RGS7: variants seen among roughly 807,000 people sequenced by gnomAD.
RGS7 encodes the protein regulator of G-protein signaling 7.
RGS7 carries 27 observed loss-of-function variants against 81.1 expected under a neutral mutation model. That is an observed-to-expected ratio of 0.33 (90% CI 0.25 to 0.46). The LOEUF (loss-of-function observed/expected upper bound fraction) is 0.46, where lower values mean the gene tolerates loss of function less well. Among genes scored for constraint, RGS7 ranks in the 20% least tolerant of loss-of-function variants. RGS7 has a pLI of 1.00. For missense variants in RGS7, 396 were observed against 607.4 expected (o/e 0.65, Z 3.66); for synonymous variants, 208 against 207.7 (o/e 1.00, Z -0.01).
intron 2 of RGS7, among the ~76,000 whole-genome samples, chr1:241,134,633 A>C (rs1332870792): frequency 6.6e-6 from 1 of 152,198 alleles, no homozygotes; most frequent in African/African-American, 2.4e-5. Flanking sequence ...TGTTTATAAA[A>C]GGCCCACGAG....
intron 3 of RGS7, among the ~76,000 whole-genome samples, chr1:240,995,458 A>C (rs1687129580): frequency 6.6e-6 from 1 of 152,082 alleles, no homozygotes; most frequent in African/African-American, 2.4e-5. Flanking sequence ...ATGAACCTGG[A>C]GATTTTGTTT....
At chr1:241,028,067 C>A (rs2059882294) in intron 3 of RGS7, among the ~76,000 whole-genome samples, 1 of 152,170 alleles carries the variant, frequency 6.6e-6, no homozygotes, top group African/African-American at 2.4e-5. Context: ...GGGCATCAGC[C>A]ATGTTGAGTG....
rs1311281821 is a variant in RGS7 at position 241,163,678 on chromosome 1, C to A, written c.79-64916G>T. Among the ~76,000 whole-genome samples the A allele has an allele frequency of 6.6e-6, 1 of 152,162 alleles. No homozygotes were observed. Among genetic ancestry groups the A allele is most frequent in the African/African-American group, 2.4e-5 (1 of 41,440 alleles). The stretch of plus-strand genomic sequence containing the variant: ...AATCACAACCTGTTTTGCCACAATC[C>A]AAGCCCCCATTCTTTCTGCAACCTC... On this transcript the variant is annotated intron_variant, in intron 2 of 18. Coordinates refer to ENST00000440928, the MANE Select transcript of RGS7 (RefSeq NM_001364886.1). This position sits in a 1 kb window ranked among gnomAD's most constrained non-coding sequence, Gnocchi z 4.6.
At chr1:240,978,460 A>G (rs1011102988) in intron 4 of RGS7, among the ~76,000 whole-genome samples, 2 of 152,218 alleles carry the variant, frequency 1.3e-5, no homozygotes, top group Non-Finnish European at 2.9e-5. Flanking sequence ...GAAAAAAATA[A>G]GAAAATGATG....
chr1:241,349,792 G>A (rs1001395932), intron 2 of RGS7, among the ~76,000 whole-genome samples: 13 of 152,142 alleles, frequency 8.5e-5, no homozygotes, highest in Non-Finnish European at 1.2e-4. Flanking sequence ...TGTGTTGCTC[G>A]TTTTCCACAA....
intron 3 of RGS7, among the ~76,000 whole-genome samples, chr1:241,005,540 AC>A (rs113358871): frequency 1.3e-5 from 2 of 151,694 alleles, no homozygotes; most frequent in African/African-American, 4.9e-5. Context: ...CTTTTTATTT[AC>A]TTTTTATTTT....
chr1:241,355,589 C>A, intron 2 of RGS7, 110 bp downstream of exon 2: 2 of 921,266 alleles, frequency 2.2e-6, no homozygotes, highest in South Asian at 2.6e-5. Flanking sequence ...CACTGATGAT[C>A]TGGGAAATCC....
At position 240,983,129 on chromosome 1, in the gene RGS7, C is replaced by T; in HGVS notation, c.176G>A (p.Gly59Asp). 6.7e-7 allele frequency: 1 copy of T among 1,496,604 alleles called. No individual in the cohort carries two copies. The highest frequency in any genetic ancestry group is 9.2e-7 in the Non-Finnish European group (1 of 1,087,418). The allele number at this position is 1,496,604 out of a possible 1,614,324, so 92.7% of individuals were successfully genotyped here. A position where few individuals can be genotyped will look rare whatever the true frequency, so the allele number is the denominator to read the frequency against. The change falls in exon 4 of 19, where the codon GGT becomes GAT. Residue 59 changes from glycine to aspartate, a missense_variant and splice_region_variant. Physicochemically the swap from Gly to Asp is moderately conservative, Grantham distance 94. Transcript: ENST00000440928. ...TATCAACCATTGAACAATGTCTGAACCTAGAAAAAGAAAAAAGAAAAACAC... is the reference window on the plus strand; with the variant it reads ...TATCAACCATTGAACAATGTCTGAATCTAGAAAAAGAAAAAAGAAAAACAC... Reference protein sequence around the residue: ...FLSKIPSVFSGSDIVQWLIKN... With the variant: ...FLSKIPSVFSDSDIVQWLIKN...
chr1:240,969,019 T>C (rs960299818), intron 4 of RGS7, among the ~76,000 whole-genome samples: 1 of 152,206 alleles, frequency 6.6e-6, no homozygotes, highest in African/African-American at 2.4e-5. Context: ...CTTACACAAC[T>C]ATCTATGGCC....
chr1:241,324,865 T>C (rs1019458749), intron 2 of RGS7, among the ~76,000 whole-genome samples: 2 of 152,242 alleles, frequency 1.3e-5, no homozygotes, highest in African/African-American at 2.4e-5. Context: ...CTTATCTTTA[T>C]ACTCTGACCT....
chr1:241,295,212 G>T (rs1438827064), intron 2 of RGS7, among the ~76,000 whole-genome samples: 1 of 152,094 alleles, frequency 6.6e-6, no homozygotes, highest in Non-Finnish European at 1.5e-5. Flanking sequence ...ACTTTGGGAG[G>T]CCAAGGCGGG....
chr1:241,089,063 C>CTCTCTCTCTCTATATA (rs1374552672), intron 3 of RGS7, among the ~76,000 whole-genome samples: 2 of 23,686 alleles, frequency 8.4e-5, no homozygotes, highest in Admixed American at 4.9e-4. Context: ...CTCTCTCTCT[C>CTCTCTCTCTCTATATA]TATATATATA....
At position 241,108,679 on chromosome 1, in the gene RGS7, G is replaced by T. The variant is rs547075189; in HGVS notation, c.79-9917C>A. Among the ~76,000 whole-genome samples the T allele has an allele frequency of 2.6e-5, 4 of 152,248 alleles. No homozygotes were observed. The East Asian group carries it at 7.7e-4, about 29-fold the overall frequency. On this transcript the variant is annotated intron_variant, in intron 2 of 18. Coordinates refer to ENST00000440928, the MANE Select transcript of RGS7 (RefSeq NM_001364886.1). ...CTGAACTATTTGGGAAAGACTTCAT[G>T]GGAAAAGTAAGATTAAGCTGATCCT...
In RGS7 at chr1:241,035,879, C is replaced by T. The variant is rs527474285; in HGVS notation, c.176-52750G>A. Among the ~76,000 whole-genome samples the T allele has an allele frequency of 5.9e-5, 9 of 152,308 alleles. No individual in the cohort carries two copies. In the East Asian group the frequency reaches 1.7e-3, roughly 29 times the overall value. ...AATGCTATTTTCTCTGGATATGCCC[C>T]ACTTCGTTGAATTATCTTCCCTTCA... is the stretch of plus-strand genomic sequence containing the variant. On this transcript the variant is annotated intron_variant, in intron 3 of 18. Coordinates refer to ENST00000440928, the MANE Select transcript of RGS7 (RefSeq NM_001364886.1).
At chr1:241,143,618 G>A (rs1445709711) in intron 2 of RGS7, among the ~76,000 whole-genome samples, 1 of 152,106 alleles carries the variant, frequency 6.6e-6, no homozygotes, top group African/African-American at 2.4e-5. Flanking sequence ...ACAACATGTG[G>A]GAATTCAAGA....
intron 2 of RGS7, among the ~76,000 whole-genome samples, chr1:241,103,730 T>C (rs1252577196): frequency 6.6e-6 from 1 of 151,772 alleles, no homozygotes; most frequent in African/African-American, 2.4e-5. Flanking sequence ...GAAAATGAAC[T>C]GGGCATGGTG....
At chr1:240,944,997 C>T (rs1229645029) in intron 4 of RGS7, among the ~76,000 whole-genome samples, 1 of 150,750 alleles carries the variant, frequency 6.6e-6, no homozygotes. Flanking sequence ...AGGCGTGTGC[C>T]ACGCATCCAG....
At chr1:240,858,666 T>A (rs1661592646) in intron 9 of RGS7, among the ~76,000 whole-genome samples, 1 of 152,232 alleles carries the variant, frequency 6.6e-6, no homozygotes, top group African/African-American at 2.4e-5. Context: ...GTCTGTGGCT[T>A]GAATTCTCAT....
At chr1:241,220,414 A>C (rs2147981900) in intron 2 of RGS7, among the ~76,000 whole-genome samples, 1 of 152,310 alleles carries the variant, frequency 6.6e-6, no homozygotes, top group South Asian at 2.1e-4. Context: ...CCAGGCACAG[A>C]ATGTTCTTAA....
Sources: gnomAD v4.1 joint callset for allele counts (sites outside exome capture counted in the v4.1 genomes callset) on GRCh38, gnomAD v4.1.1 for gene constraint, Gnocchi (gnomAD v3.1) non-coding constraint, MANE v1.5 for transcripts, NCBI Gene and HGNC (gene_info 2026-07-23, HGNC 2026-07-21) for gene names.